The following MARCHF1 variants were observed in gnomAD, a reference collection of about 807,000 sequenced individuals.
MARCHF1 encodes the protein membrane associated ring-CH-type finger 1.
MARCHF1 carries 40 observed loss-of-function variants against 54.2 expected under a neutral mutation model. That is an observed-to-expected ratio of 0.74 (90% CI 0.57 to 0.96). The LOEUF is 0.96. MARCHF1 is among the 40% of genes least tolerant of loss of function. The pLI is 0.00. For missense variants in MARCHF1, 586 were observed against 656.5 expected (o/e 0.89, Z 1.17); for synonymous variants, 236 against 236.3 (o/e 1.00, Z 0.01).
At chr4:164,301,708 T>C (rs756720075) in intron 1 of MARCHF1, among the ~76,000 whole-genome samples, 2 of 151,930 alleles carry the variant, frequency 1.3e-5, no homozygotes, top group African/African-American at 2.4e-5. Context: ...AAAATAAAAC[T>C]GACAGAAAAA....
At chr4:163,772,659 C>A (rs1417969655) in intron 4 of MARCHF1, among the ~76,000 whole-genome samples, 2 of 152,150 alleles carry the variant, frequency 1.3e-5, no homozygotes, top group African/African-American at 4.8e-5. Flanking sequence ...TTCATTGAAT[C>A]CTTCTTATAC....
At chr4:164,214,934 C>A (rs878886650) in intron 1 of MARCHF1, among the ~76,000 whole-genome samples, 4 of 152,078 alleles carry the variant, frequency 2.6e-5, no homozygotes, top group Non-Finnish European at 5.9e-5. Flanking sequence ...GTGCCCCCGC[C>A]GCTCAAACCT....
At chr4:163,689,269 T>C (rs1437383918) in intron 5 of MARCHF1, among the ~76,000 whole-genome samples, 1 of 151,776 alleles carries the variant, frequency 6.6e-6, no homozygotes, top group Non-Finnish European at 1.5e-5. Flanking sequence ...AGTATTAGGA[T>C]GTAAGAACTT....
At chr4:163,932,374 A>C (rs1037503963) in intron 3 of MARCHF1, among the ~76,000 whole-genome samples, 3 of 152,260 alleles carry the variant, frequency 2.0e-5, no homozygotes, top group African/African-American at 7.2e-5. Context: ...GTTTTTCAAA[A>C]CTGGAGTAAA....
At chr4:164,089,975 T>A (rs893975024) in intron 2 of MARCHF1, among the ~76,000 whole-genome samples, 2 of 151,286 alleles carry the variant, frequency 1.3e-5, no homozygotes. Flanking sequence ...TATATATATA[T>A]TTCTGTAGAA....
At chr4:163,701,640 G>A (rs2111232361) in intron 4 of MARCHF1, among the ~76,000 whole-genome samples, 1 of 152,254 alleles carries the variant, frequency 6.6e-6, no homozygotes, top group South Asian at 2.1e-4. Context: ...ATTATGTGCT[G>A]ATAGATGATC....
chr4:164,366,756 C>T (rs1451058871), intron 1 of MARCHF1, among the ~76,000 whole-genome samples: 1 of 151,428 alleles, frequency 6.6e-6, no homozygotes, highest in East Asian at 1.9e-4. Flanking sequence ...TTATTTTATA[C>T]CATTATATCT....
At chr4:164,100,312 A>G (rs911771489) in intron 2 of MARCHF1, among the ~76,000 whole-genome samples, 2 of 152,248 alleles carry the variant, frequency 1.3e-5, no homozygotes, top group African/African-American at 4.8e-5. Flanking sequence ...TAAGAGAGTC[A>G]ACTCAAGGTT....
At chr4:163,691,801 C>A (rs538870734) in intron 5 of MARCHF1, among the ~76,000 whole-genome samples, 2 of 152,136 alleles carry the variant, frequency 1.3e-5, no homozygotes, top group Admixed American at 1.3e-4. Context: ...TTTTTCCCCA[C>A]GCAGATGTTT....
intron 1 of MARCHF1, among the ~76,000 whole-genome samples, chr4:164,213,200 AC>A (rs1731825956): frequency 7.5e-6 from 1 of 133,614 alleles, no homozygotes; most frequent in African/African-American, 2.8e-5. Flanking sequence ...CTGGGCTTTT[AC>A]TTTTATTATT....
chr4:164,153,249 C>T (rs1729992149), intron 1 of MARCHF1, among the ~76,000 whole-genome samples: 2 of 141,206 alleles, frequency 1.4e-5, no homozygotes, highest in Admixed American at 1.4e-4. Flanking sequence ...ACTTACACTA[C>T]CTTAGATTTT....
chr4:163,735,148 CT>C (rs1745999120), intron 4 of MARCHF1, among the ~76,000 whole-genome samples: 1 of 152,134 alleles, frequency 6.6e-6, no homozygotes, highest in Non-Finnish European at 1.5e-5. Context: ...CCAGTGTTAC[CT>C]TCTCAGAGAA....
At chr4:163,930,718 C>A (rs982858141) in intron 3 of MARCHF1, among the ~76,000 whole-genome samples, 3 of 151,904 alleles carry the variant, frequency 2.0e-5, no homozygotes, top group African/African-American at 7.3e-5. Flanking sequence ...TGTCAAAGAG[C>A]GCTGTGACTC....
intron 5 of MARCHF1, among the ~76,000 whole-genome samples, chr4:163,663,007 G>A (rs530881171): frequency 1.2e-3 from 178 of 152,020 alleles, no homozygotes; most frequent in African/African-American, 4.1e-3. Flanking sequence ...TCTTAACTAG[G>A]GGATTCCCAG....
At position 163,920,379 on chromosome 4, in the gene MARCHF1, G is replaced by T. The variant is rs372742206; in HGVS notation, c.-38-66210C>A. Among the ~76,000 whole-genome samples, 4 of 152,126 alleles carry T rather than the reference G, an allele frequency of 2.6e-5. No homozygotes were observed. In the East Asian group the frequency reaches 7.7e-4, roughly 29 times the overall value. On this transcript the variant is annotated intron_variant, in intron 3 of 9. Transcript: ENST00000514618. ...TGGTTGGTCAAAGATGCTAGACTTGGTATTGCCATCGATTGATGCTGATAC... is the reference window on the plus strand; with the variant it reads ...TGGTTGGTCAAAGATGCTAGACTTGTTATTGCCATCGATTGATGCTGATAC...
At chr4:164,113,287 T>A (rs930295053) in intron 1 of MARCHF1, among the ~76,000 whole-genome samples, 5 of 152,122 alleles carry the variant, frequency 3.3e-5, no homozygotes, top group East Asian at 1.9e-4. Context: ...ATTGGTTGGA[T>A]GAAAGAGATT....
chr4:163,913,750 C>G (rs1225299106), intron 3 of MARCHF1, among the ~76,000 whole-genome samples: 1 of 152,210 alleles, frequency 6.6e-6, no homozygotes, highest in Non-Finnish European at 1.5e-5. Flanking sequence ...TTTCTGGACA[C>G]TGGTACTCCA....
intron 5 of MARCHF1, among the ~76,000 whole-genome samples, chr4:163,641,024 T>C (rs890859430): frequency 6.6e-6 from 1 of 150,618 alleles, no homozygotes; most frequent in South Asian, 2.1e-4. Flanking sequence ...TCTGTTTTTT[T>C]ATGATTTTAA....
chr4:164,175,992 A>G (rs922315272), intron 1 of MARCHF1, among the ~76,000 whole-genome samples: 1 of 152,214 alleles, frequency 6.6e-6, no homozygotes, highest in Admixed American at 6.5e-5. Flanking sequence ...GTCCTCATCA[A>G]GTCAATCATC....
Sources: allele counts gnomAD v4.1 joint callset (sites outside exome capture counted in the v4.1 genomes callset), GRCh38; gene constraint gnomAD v4.1.1; transcripts MANE v1.5; gene names NCBI Gene and HGNC (gene_info 2026-07-23, HGNC 2026-07-21).